Variants in CELF2 observed in about 807,000 individuals in gnomAD.
The protein encoded by CELF2 is CUGBP Elav-like family member 2, also known as CUG triplet repeat RNA-binding protein 2.
In CELF2, 8 loss-of-function variants were observed where a neutral mutation model predicts 62.6. That is an observed-to-expected ratio of 0.13 (90% CI 0.07 to 0.23). CELF2 has a LOEUF of 0.23. Ranked by LOEUF, CELF2 falls within the 10% of genes least tolerant of loss-of-function variation. The pLI, the probability that CELF2 is intolerant of heterozygous loss-of-function variation, is 1.00. For synonymous variants in CELF2, 258 were observed against 250.0 expected, an observed-to-expected ratio of 1.03 and a Z score of -0.30; for missense variants, 333 against 671.0, an observed-to-expected ratio of 0.50 and a Z score of 5.56.
chr10:10,826,748 G>A (rs1383949444), intron 1 of CELF2, among the ~76,000 whole-genome samples: 1 of 152,216 alleles, frequency 6.6e-6, no homozygotes, highest in Non-Finnish European at 1.5e-5. Flanking sequence ...TGCCTTCAAA[G>A]ATAAAGAATG....
chr10:11,124,648 A>G (rs1349808316), intron 1 of CELF2, among the ~76,000 whole-genome samples: 1 of 152,214 alleles, frequency 6.6e-6, no homozygotes, highest in African/African-American at 2.4e-5. Flanking sequence ...TCCCACATGC[A>G]TCTGTTGAGT....
At chr10:10,908,214 A>ATTTTTGTTT (rs2063503441) in intron 1 of CELF2, among the ~76,000 whole-genome samples, 1 of 83,738 alleles carries the variant, frequency 1.2e-5, no homozygotes. Flanking sequence ...GTATGAGGGG[A>ATTTTTGTTT]TTTTTTTTTT....
At chr10:11,006,636 G>C (rs953025504) in intron 1 of CELF2, among the ~76,000 whole-genome samples, 1 of 152,324 alleles carries the variant, frequency 6.6e-6, no homozygotes, top group Non-Finnish European at 1.5e-5. Flanking sequence ...GTAAATTACA[G>C]TTTTTAGTCT....
At chr10:10,787,183 C>A in the CELF2 span, among the ~76,000 whole-genome samples, 1 of 150,894 alleles carries the variant, frequency 6.6e-6, no homozygotes, top group African/African-American at 2.4e-5. Context: ...AGAATTCTCA[C>A]TTTTTAATGC....
chr10:10,508,732 C>T, the CELF2 span, among the ~76,000 whole-genome samples: 2 of 150,784 alleles, frequency 1.3e-5, no homozygotes, highest in Admixed American at 1.3e-4. Context: ...GATGGAGTCT[C>T]GCTCTGTCAC....
chr10:10,671,010 T>C, the CELF2 span, among the ~76,000 whole-genome samples: 1 of 151,786 alleles, frequency 6.6e-6, no homozygotes, highest in South Asian at 2.1e-4. Context: ...CTACAAAAAA[T>C]AAAAACATTA....
At chr10:10,564,666 ACACACACGCACACACG>A in the CELF2 span, among the ~76,000 whole-genome samples, 1 of 102,240 alleles carries the variant, frequency 9.8e-6, no homozygotes, top group African/African-American at 4.9e-5. Context: ...ACACACACAC[ACACACACGCACACACG>A]CACACACACA....
chr10:11,032,255 C>A (rs1227839104), intron 1 of CELF2, among the ~76,000 whole-genome samples: 1 of 150,538 alleles, frequency 6.6e-6, no homozygotes, highest in Non-Finnish European at 1.5e-5. Flanking sequence ...CCATCCTGGT[C>A]AATTTTACTC....
rs769730307 is a variant in CELF2, at chr10:11,334,050, C to G, written c.*4997C>G. The G allele has an allele frequency of 6.6e-6, 1 of 152,640 alleles. No individual in the cohort carries two copies. The highest frequency in any genetic ancestry group is 1.5e-5 in the Non-Finnish European group (1 of 67,988). The allele number at this position is 152,640 out of a possible 1,614,324, so 9.5% of individuals were successfully genotyped here. ...TGGCTTGATTTCTTTTTTCCCTTTG[C>G]TTATATCTAGCATTAGAATTTTGTC... On this transcript the variant is annotated 3_prime_UTR_variant, in exon 13 of 13. Coordinates refer to ENST00000633077, the MANE Select transcript of CELF2 (RefSeq NM_001326342.2).
At chr10:10,699,439 T>G in the CELF2 span, among the ~76,000 whole-genome samples, 1 of 152,230 alleles carries the variant, frequency 6.6e-6, no homozygotes, top group Non-Finnish European at 1.5e-5. Context: ...CTTGTAGAGA[T>G]GGATACTTAG....
chr10:10,573,774 G>T, the CELF2 span, among the ~76,000 whole-genome samples: 66,679 of 146,492 alleles, frequency 0.46, 16,059 homozygotes, highest in East Asian at 0.65. Context: ...AGCTTTTATG[G>T]GATTAAAAAT....
At chr10:10,771,990 G>T in the CELF2 span, among the ~76,000 whole-genome samples, 1 of 152,174 alleles carries the variant, frequency 6.6e-6, no homozygotes, top group South Asian at 2.1e-4. Flanking sequence ...GTTTCTCTAG[G>T]TTCATTCATC....
chr10:11,131,752 T>A (rs2131862050), intron 1 of CELF2, among the ~76,000 whole-genome samples: 1 of 152,336 alleles, frequency 6.6e-6, no homozygotes, highest in Non-Finnish European at 1.5e-5. Flanking sequence ...GCTCAGTATA[T>A]AAGTTGGCTT....
the CELF2 span, among the ~76,000 whole-genome samples, chr10:10,499,317 C>T: frequency 6.6e-6 from 1 of 152,096 alleles, no homozygotes; most frequent in African/African-American, 2.4e-5. Context: ...TCTCCTGTCT[C>T]AGCCTCCCGA....
intron 1 of CELF2, among the ~76,000 whole-genome samples, chr10:11,135,243 C>T (rs2060248201): frequency 6.6e-6 from 1 of 152,182 alleles, no homozygotes; most frequent in Non-Finnish European, 1.5e-5. Context: ...TCCAGCAGTG[C>T]CACTGATGTC....
intron 2 of CELF2, among the ~76,000 whole-genome samples, chr10:10,965,121 G>T (rs925933262): frequency 3.3e-5 from 5 of 152,018 alleles, no homozygotes; most frequent in African/African-American, 1.2e-4. Flanking sequence ...AGAATATCTT[G>T]CCTTTCCATC....
At position 10,972,823 on chromosome 10, in the gene CELF2, C is replaced by A. The variant is rs943929299; in HGVS notation, c.89+52824C>A. Among the ~76,000 whole-genome samples, 1 of 152,162 alleles carries A rather than the reference C, an allele frequency of 6.6e-6. No homozygotes were observed. Among genetic ancestry groups the A allele is most frequent in the Non-Finnish European group, 1.5e-5 (1 of 68,032 alleles). On this transcript the variant is annotated intron_variant, in intron 2 of 13. Transcript: ENST00000636488. This position sits in a 1 kb window ranked among gnomAD's most constrained non-coding sequence, Gnocchi z 4.4. ...TCCATGAGTGGCCCTCAGAGAGCTA[C>A]CTTCCTCAGAAAACATGGGGACATG...
intron 1 of CELF2, among the ~76,000 whole-genome samples, chr10:10,828,095 A>T (rs1003590283): frequency 6.6e-6 from 1 of 151,840 alleles, no homozygotes; most frequent in Non-Finnish European, 1.5e-5. Context: ...AGAAAACAGT[A>T]TGATGGTTTC....
rs367896929 is a variant in CELF2 at position 11,324,567 on chromosome 10, GAC to G, written c.1295-1264_1295-1263del. On this transcript the variant is annotated intron_variant, in intron 11 of 12. Coordinates refer to ENST00000633077, the MANE Select transcript of CELF2 (RefSeq NM_001326342.2). The surrounding 1 kb of genome is among the most constrained non-coding windows in gnomAD (Gnocchi z 4.7). ...TATGGAAAGTTACAGTAGTCATTAA[GAC>G]ACACTTTTAAATGAGAAAGGAAGAG... Among the ~76,000 whole-genome samples, 6 of 152,322 alleles carry G rather than the reference GAC, an allele frequency of 3.9e-5. No individual in the cohort carries two copies. In the South Asian group the frequency reaches 1.2e-3, roughly 32 times the overall value.
Sources: gnomAD v4.1 joint callset for allele counts (sites outside exome capture counted in the v4.1 genomes callset) on GRCh38, gnomAD v4.1.1 for gene constraint, Gnocchi (gnomAD v3.1) non-coding constraint, MANE v1.5 for transcripts, NCBI Gene and HGNC (gene_info 2026-07-23, HGNC 2026-07-21) for gene names.